SLC39A6: variants seen among roughly 807,000 people sequenced by gnomAD.
The protein encoded by SLC39A6 is solute carrier family 39 member 6.
In SLC39A6, 51 loss-of-function variants were observed where a neutral mutation model predicts 63.5. That is an observed-to-expected ratio of 0.80 (90% CI 0.64 to 1.01). The LOEUF (loss-of-function observed/expected upper bound fraction) is 1.01, where lower values mean the gene tolerates loss of function less well. SLC39A6 is among the 50% of genes least tolerant of loss of function. The pLI is 0.00. For synonymous variants in SLC39A6, 318 were observed against 324.7 expected (o/e 0.98, Z 0.22); for missense variants, 805 against 927.8 (o/e 0.87, Z 1.72).
rs770208633 is a variant in SLC39A6 at position 36,123,571 on chromosome 18, T to C, written c.1064A>G (p.Lys355Arg). 27 of 1,613,364 alleles carry C rather than the reference T, an allele frequency of 1.7e-5. No individual in the cohort carries two copies. Among genetic ancestry groups the C allele is most frequent in the Non-Finnish European group, 2.1e-5 (25 of 1,179,872 alleles). The change falls in exon 4 of 10, where the codon AAA becomes AGA. Residue 355 changes from lysine (K) to arginine (R), a missense_variant. This residue lies in a region of SLC39A6 where 639 missense variants were observed against 644.0 expected (regional missense o/e 0.99). Coordinates refer to ENST00000269187, the MANE Select transcript of SLC39A6 (RefSeq NM_012319.4). ...TGCCACAAGGAAACTCAGGAGAAAT[T>C]TGAAAAACACCCGATTCATGAGAGG... ...LVPLMNRVFF[K>R]FLLSFLVALA...
chr18:36,124,448 T>C, intron 3 of SLC39A6, 72 bp downstream of exon 3: 1 of 970,870 alleles, frequency 1.0e-6, no homozygotes, highest in Non-Finnish European at 1.5e-6. Context: ...AATAGGCTGA[T>C]GCAAATCTAA....
rs928405822 is a variant in SLC39A6 at position 36,109,411 on chromosome 18, T to C, written c.*182A>G. The C allele has an allele frequency of 9.6e-5, 44 of 457,456 alleles. No individual in the cohort carries two copies. The highest frequency in any genetic ancestry group is 1.4e-4 in the African/African-American group (7 of 49,690). 28.3% of individuals were successfully genotyped at this position (457,456 alleles called of 1,614,324 possible). A position where few individuals can be genotyped will look rare whatever the true frequency, so the allele number is the denominator to read the frequency against. ...GCACATACAGATTTTATCTCCAAGA[T>C]AGAATAACTTAAATATTAAAACGTA... is the stretch of plus-strand genomic sequence containing the variant. On this transcript the variant is annotated 3_prime_UTR_variant, in exon 10 of 10. Coordinates refer to ENST00000269187, the MANE Select transcript of SLC39A6 (RefSeq NM_012319.4).
chr18:36,116,223 G>C (rs968259516), intron 6 of SLC39A6, among the ~76,000 whole-genome samples: 1 of 152,140 alleles, frequency 6.6e-6, no homozygotes, highest in African/African-American at 2.4e-5. Flanking sequence ...TTATATGAGA[G>C]AATGTCCATT....
In SLC39A6 at chr18:36,108,542, T is replaced by C. The variant is rs1388425045; in HGVS notation, c.*1051A>G. 6.6e-6 allele frequency: 1 copy of C among 152,120 alleles called. No homozygotes were observed. Among genetic ancestry groups the C allele is most frequent in the Non-Finnish European group, 1.5e-5 (1 of 68,028 alleles). The allele number at this position is 152,120 out of a possible 1,614,324, so 9.4% of individuals were successfully genotyped here. A position where few individuals can be genotyped will look rare whatever the true frequency, so the allele number is the denominator to read the frequency against. Reference sequence around the variant, plus strand: ...CCAGACATCTGACGTCAAGCTGATATAAGGAATTTATTGTGTAAAAAAGAA... The same window carrying C: ...CCAGACATCTGACGTCAAGCTGATACAAGGAATTTATTGTGTAAAAAAGAA... On this transcript the variant is annotated 3_prime_UTR_variant, in exon 10 of 10. Coordinates refer to ENST00000269187, the MANE Select transcript of SLC39A6 (RefSeq NM_012319.4).
chr18:36,122,193 A>G lies in SLC39A6; in HGVS notation c.1218T>C (p.His406=), dbSNP rs1323509300. The part of the protein sequence containing the change: ...MEMKRGPLFS[H]LSSQNIEESA... ...TTTCTTCTATGTTTTGAGAAGACAG[A>G]TGACTGAAAAGTGGTCCTCTTTTCA... Residue 406 remains histidine, a synonymous_variant, in exon 5 of 10, where the codon CAT becomes CAC. Coordinates refer to ENST00000269187, the MANE Select transcript of SLC39A6 (RefSeq NM_012319.4). 6.2e-7 allele frequency: 1 copy of G among 1,614,142 alleles called. No individual in the cohort carries two copies. The highest frequency in any genetic ancestry group is 8.5e-7 in the Non-Finnish European group (1 of 1,179,978).
rs764318738 is a variant in SLC39A6 at position 36,116,751 on chromosome 18, T to A, written c.1388A>T (p.Asp463Val). The A allele has an allele frequency of 3.1e-6, 5 of 1,612,056 alleles. No homozygotes were observed. In the Admixed American group the frequency reaches 8.4e-5, roughly 27 times the overall value. ...KNQKKPENDD[D>V]VEIKKQLSKY... ...GGACAACTGCTTCTTAATCTCCACA[T>A]CATCATCATTTTCAGGTTTCTTCTG... The change falls in exon 6 of 10, where the codon GAT becomes GTT. Residue 463 changes from aspartate (D) to valine (V), a missense_variant. Coordinates refer to ENST00000269187, the MANE Select transcript of SLC39A6 (RefSeq NM_012319.4).
intron 6 of SLC39A6, 110 bp downstream of exon 6, chr18:36,116,564 A>G: frequency 1.4e-6 from 1 of 725,604 alleles, no homozygotes; most frequent in South Asian, 1.6e-5. Context: ...AGATACTGCA[A>G]AAACCAAAAC....
At position 36,124,504 on chromosome 18, in the gene SLC39A6, A is replaced by G; in HGVS notation, c.970+16T>C. The G allele has an allele frequency of 1.3e-6, 2 of 1,501,774 alleles. No homozygotes were observed. Among genetic ancestry groups the G allele is most frequent in the East Asian group, 2.3e-5 (1 of 43,544 alleles). The allele number at this position is 1,501,774 out of a possible 1,614,324, so 93.0% of individuals were successfully genotyped here. ...AATCTACTGAAATTGTTTTTACATAAAAAAGGCAATTTTACCTATTTGTAA... is the reference window on the plus strand; with the variant it reads ...AATCTACTGAAATTGTTTTTACATAGAAAAGGCAATTTTACCTATTTGTAA... On this transcript the variant is annotated intron_variant, in intron 3 of 9. Coordinates refer to ENST00000269187, the MANE Select transcript of SLC39A6 (RefSeq NM_012319.4).
chr18:36,124,931 C>G (rs1028177626), intron 2 of SLC39A6, among the ~76,000 whole-genome samples: 3 of 152,170 alleles, frequency 2.0e-5, no homozygotes, highest in Admixed American at 6.5e-5. Flanking sequence ...CATCACGAGT[C>G]ACCTAGGGAG....
In SLC39A6 at chr18:36,127,025, G is replaced by T; in HGVS notation, c.-9-9C>A. On this transcript the variant is annotated splice_polypyrimidine_tract_variant and intron_variant, in intron 1 of 9. Transcript: ENST00000269187. ...CTCGCCATTGCGCCTTCCTAGAAAA[G>T]ACAGGAAAAAAAAATTCTTGACTCA... 1 of 1,560,528 alleles carries T rather than the reference G, an allele frequency of 6.4e-7. No homozygotes were observed. Among genetic ancestry groups the T allele is most frequent in the South Asian group, 1.2e-5 (1 of 83,988 alleles).
chr18:36,119,955 T>C (rs1445229300), intron 5 of SLC39A6, among the ~76,000 whole-genome samples: 1 of 151,712 alleles, frequency 6.6e-6, no homozygotes, highest in Non-Finnish European at 1.5e-5. Context: ...GGAAATGAAA[T>C]TGAAATGAGA....
intron 8 of SLC39A6, among the ~76,000 whole-genome samples, chr18:36,111,913 G>T (rs1445124487): frequency 2.6e-5 from 4 of 152,226 alleles, no homozygotes; most frequent in Non-Finnish European, 5.9e-5. Flanking sequence ...AGGGAGGAAT[G>T]GGTGGAGAAC....
chr18:36,114,033 G>A, intron 7 of SLC39A6, 64 bp downstream of exon 7: 1 of 1,508,566 alleles, frequency 6.6e-7, no homozygotes, highest in East Asian at 2.3e-5. Context: ...GTTAAAATTT[G>A]ACTAGGTGTT....
At position 36,126,742 on chromosome 18, in the gene SLC39A6, C is replaced by A. The variant is rs1209778184; in HGVS notation, c.266G>T (p.Arg89Ile). ...LQNIGIDKIK[R>I]IHIHHDHDHH... ...GTCGTGGTCATGGTGTATATGGATT[C>A]TTTTAATCTTATCTATGCCTATATT... The change falls in exon 2 of 10, where the codon AGA (arginine) becomes ATA (isoleucine). Residue 89 changes from arginine (R) to isoleucine (I), a missense_variant. Arg to Ile is a moderately conservative substitution (Grantham distance 97). Coordinates refer to ENST00000269187, the MANE Select transcript of SLC39A6 (RefSeq NM_012319.4). 17 of 1,614,044 alleles carry A rather than the reference C, an allele frequency of 1.1e-5. No individual in the cohort carries two copies. The highest frequency in any genetic ancestry group is 1.4e-5 in the Non-Finnish European group (17 of 1,180,038).
rs753477452 is a variant in SLC39A6 at position 36,126,670 on chromosome 18, T to G, written c.338A>C (p.Asp113Ala). 6.2e-7 allele frequency: 1 copy of G among 1,602,816 alleles called. No homozygotes were observed. The highest frequency in any genetic ancestry group is 8.5e-7 in the Non-Finnish European group (1 of 1,172,212). The stretch of plus-strand genomic sequence containing the variant: ...CTCGTGCTCTGAGTGATGCTCATGG[T>G]CTGAGTGACGCTCATGGTCTGAGTG... ...EHHSDHERHS[D>A]HEHHSEHEHH... The change falls in exon 2 of 10, where the codon GAC (aspartate) becomes GCC (alanine). Residue 113 changes from aspartate to alanine, a missense_variant. Asp to Ala is a moderately radical substitution (Grantham distance 126). Around this residue, in one of 4 missense-constraint regions of SLC39A6, gnomAD observed 639 missense variants for 644.0 expected, o/e 0.99. Transcript: ENST00000269187.
Position 36,125,954 on chromosome 18 carries a change from A to G in SLC39A6, c.789+265T>C, listed in dbSNP as rs976911466. Among the ~76,000 whole-genome samples the G allele has an allele frequency of 3.3e-5, 5 of 152,166 alleles. 1 individual carries two copies. On this transcript the variant is annotated intron_variant, in intron 2 of 9. Transcript: ENST00000269187. ...AAAGATAGCCTTGATATCTTTCTCT[A>G]CATATTTTATATTCTGTATTAGAAA...
At chr18:36,117,775 T>A (rs1238561734) in intron 5 of SLC39A6, among the ~76,000 whole-genome samples, 1 of 152,212 alleles carries the variant, frequency 6.6e-6, no homozygotes, top group African/African-American at 2.4e-5. Context: ...CGAACGCCTG[T>A]AATCCCAGCA....
At chr18:36,117,054 C>T (rs932610178) in intron 5 of SLC39A6, among the ~76,000 whole-genome samples, 9 of 152,200 alleles carry the variant, frequency 5.9e-5, no homozygotes, top group Non-Finnish European at 1.0e-4. Flanking sequence ...CTGGCCAATA[C>T]GGTGAAACTC....
At chr18:36,125,222 C>T (rs1053253178) in intron 2 of SLC39A6, among the ~76,000 whole-genome samples, 6 of 151,886 alleles carry the variant, frequency 4.0e-5, no homozygotes, top group African/African-American at 1.5e-4. Context: ...GCAGATTATT[C>T]TTGTGGAGGG....
Sources: allele counts gnomAD v4.1 joint callset (sites outside exome capture counted in the v4.1 genomes callset), GRCh38; gene constraint gnomAD v4.1.1; regional missense constraint gnomAD v4.1.1; transcripts MANE v1.5; gene names NCBI Gene and HGNC (gene_info 2026-07-23, HGNC 2026-07-21).